MORN1: variants seen among roughly 807,000 people sequenced by gnomAD.
The protein encoded by MORN1 is MORN repeat-containing protein 1.
MORN1 carries 67 observed loss-of-function variants against 61.9 expected under a neutral mutation model. The observed-to-expected ratio is 1.08, with a 90% CI of 0.89 to 1.33. MORN1 has a LOEUF of 1.33. Ranked by LOEUF, MORN1 falls within the 40% of genes most tolerant of loss-of-function variation. The pLI is 0.00. For synonymous variants in MORN1, 301 were observed against 292.0 expected, an observed-to-expected ratio of 1.03 and a Z score of -0.31; for missense variants, 752 against 691.2, an observed-to-expected ratio of 1.09 and a Z score of -0.99.
At chr1:2,327,151 A>AACAC (rs149761185) in intron 12 of MORN1, among the ~76,000 whole-genome samples, 79,079 of 118,594 alleles carry the variant, frequency 0.67, 29,332 homozygotes, top group East Asian at 0.89. Context: ...GAGACACAGA[A>AACAC]ACAGAAACAC....
chr1:2,333,514 C>T (rs1557869324), intron 12 of MORN1, among the ~76,000 whole-genome samples: 1 of 152,208 alleles, frequency 6.6e-6, no homozygotes, highest in Non-Finnish European at 1.5e-5. Context: ...AGTTGTCAGT[C>T]ACAGGGCCAC....
At chr1:2,348,706 CGCACACCTGCGCGG>C (rs1314074564) in intron 10 of MORN1, among the ~76,000 whole-genome samples, 2 of 79,010 alleles carry the variant, frequency 2.5e-5, no homozygotes, top group African/African-American at 9.9e-5. Context: ...CGCACGCACA[CGCACACCTGCGCGG>C]GCACGCACAC....
chr1:2,389,520 G>A (rs1642590755), intron 2 of MORN1, among the ~76,000 whole-genome samples: 1 of 152,312 alleles, frequency 6.6e-6, no homozygotes, highest in Non-Finnish European at 1.5e-5. Context: ...CGCCCACCTT[G>A]GCCTCCCAAA....
Position 2,372,762 on chromosome 1 carries a change from C to G in MORN1, c.635-171G>C, listed in dbSNP as rs186678329. 3.8e-3 allele frequency among the ~76,000 whole-genome samples: 580 copies of G among 151,932 alleles called. 12 individuals carry two copies. Among genetic ancestry groups the G allele is most frequent in the Admixed American group, 9.6e-3 (147 of 15,258 alleles). ...GCAAACCACCTTGCAGAGCAGCGAC[C>G]TGGGCAGTCGTCCACACTCAGACCG... On this transcript the variant is annotated intron_variant, in intron 7 of 13. Transcript: ENST00000378531. The surrounding 1 kb of genome is among the most constrained non-coding windows in gnomAD (Gnocchi z 5.4).
intron 10 of MORN1, among the ~76,000 whole-genome samples, chr1:2,354,645 C>A (rs11576390): frequency 6.6e-6 from 1 of 152,146 alleles, no homozygotes; most frequent in African/African-American, 2.4e-5. Context: ...CCCCAGGCCA[C>A]GCTCCTCTCC....
At chr1:2,385,559 G>A in intron 5 of MORN1, 1 of 350,812 alleles carries the variant, frequency 2.9e-6, no homozygotes, top group South Asian at 4.3e-5. Context: ...CGGGGGGGGG[G>A]GGGATGTTTT....
chr1:2,369,718 T>A (rs999202424), intron 8 of MORN1, among the ~76,000 whole-genome samples: 1 of 104,794 alleles, frequency 9.5e-6, no homozygotes, highest in Non-Finnish European at 2.2e-5. Context: ...TAGAAATAAT[T>A]AATAAAATAA....
intron 8 of MORN1, among the ~76,000 whole-genome samples, chr1:2,363,807 A>AACAAAC (rs147314830): frequency 0.073 from 7,998 of 109,196 alleles, 470 homozygotes; most frequent in African/African-American, 0.19. Flanking sequence ...CAAACAAACA[A>AACAAAC]AAAAATATAT....
intron 13 of MORN1, 130 bp downstream of exon 13, chr1:2,323,967 C>A: frequency 6.9e-7 from 1 of 1,455,504 alleles, no homozygotes; most frequent in Non-Finnish European, 9.1e-7. Context: ...CCCCAGTCCC[C>A]CACCCACTGC....
intron 10 of MORN1, among the ~76,000 whole-genome samples, chr1:2,354,036 G>A (rs1402158575): frequency 6.6e-6 from 1 of 152,242 alleles, no homozygotes; most frequent in African/African-American, 2.4e-5. Flanking sequence ...TGTGATCCCA[G>A]CACTTTGAGG....
intron 10 of MORN1, among the ~76,000 whole-genome samples, chr1:2,353,160 C>T (rs1039740848): frequency 1.3e-5 from 2 of 152,238 alleles, no homozygotes; most frequent in Non-Finnish European, 2.9e-5. Flanking sequence ...GCAGGCAGCG[C>T]TGTGACTGGG....
chr1:2,324,758 G>T (rs959902235), intron 12 of MORN1, among the ~76,000 whole-genome samples: 2 of 152,140 alleles, frequency 1.3e-5, no homozygotes, highest in African/African-American at 4.8e-5. Context: ...TGCAGCTCCT[G>T]CCCTGAGGCA....
intron 6 of MORN1, chr1:2,379,138 G>A (rs558814154): frequency 3.9e-4 from 185 of 471,176 alleles, no homozygotes; most frequent in South Asian, 7.3e-4. Flanking sequence ...CAGGTCTCCC[G>A]GAGGGGCCTC....
chr1:2,323,119 C>T (rs115750325), intron 13 of MORN1: 22,487 of 985,442 alleles, frequency 0.023, 273 homozygotes, highest in Middle Eastern at 0.03. Context: ...GAGATGTCCC[C>T]GCCCCCTCCT....
intron 6 of MORN1, chr1:2,379,277 G>A (rs1468889106): frequency 5.0e-6 from 2 of 398,664 alleles, no homozygotes; most frequent in South Asian, 1.9e-5. Context: ...AGAGGTGAAG[G>A]CCAGGAGAGA....
At chr1:2,333,671 C>G (rs1461984288) in intron 12 of MORN1, among the ~76,000 whole-genome samples, 2 of 152,220 alleles carry the variant, frequency 1.3e-5, no homozygotes, top group Admixed American at 6.5e-5. Flanking sequence ...CTGCCCTTCT[C>G]CACCCCATTC....
intron 6 of MORN1, among the ~76,000 whole-genome samples, chr1:2,382,197 T>C (rs1642387572): frequency 6.6e-6 from 1 of 152,252 alleles, no homozygotes; most frequent in South Asian, 2.1e-4. Flanking sequence ...GGGATGGCCC[T>C]GTCTGGCAGC....
rs1569990321 is a variant in MORN1 at position 2,359,514 on chromosome 1, G to A, written c.746-799C>T. ...CACACCCAGAAGACCCCACGTGGGAGTGCTGGATAGCAGGGAGGAGTGGCT... is the reference window on the plus strand; with the variant it reads ...CACACCCAGAAGACCCCACGTGGGAATGCTGGATAGCAGGGAGGAGTGGCT... On this transcript the variant is annotated intron_variant, in intron 8 of 13. Transcript: ENST00000378531. Among the ~76,000 whole-genome samples, 3 of 152,348 alleles carry A rather than the reference G, an allele frequency of 2.0e-5. No homozygotes were observed. The South Asian group carries it at 6.2e-4, about 32-fold the overall frequency.
At chr1:2,382,010 G>A (rs536589085) in intron 6 of MORN1, among the ~76,000 whole-genome samples, 3 of 152,316 alleles carry the variant, frequency 2.0e-5, no homozygotes, top group East Asian at 3.9e-4. Flanking sequence ...GGCCCAGGGC[G>A]CTGGTGACCA....
Sources: gnomAD v4.1 joint callset for allele counts (sites outside exome capture counted in the v4.1 genomes callset) on GRCh38, gnomAD v4.1.1 for gene constraint, Gnocchi (gnomAD v3.1) non-coding constraint, MANE v1.5 for transcripts, NCBI Gene and HGNC (gene_info 2026-07-23, HGNC 2026-07-21) for gene names.